Variants in COL12A1 observed in about 807,000 individuals in gnomAD.
The protein encoded by COL12A1 is collagen alpha-1(XII) chain.
Under a neutral mutation model 349.7 loss-of-function variants are expected in COL12A1, and 114 were observed. The observed-to-expected ratio is 0.33, with a 90% confidence interval of 0.28 to 0.38. The LOEUF (loss-of-function observed/expected upper bound fraction) is 0.38. Among genes scored for constraint, COL12A1 ranks in the 10% least tolerant of loss-of-function variants. The probability of loss-of-function intolerance (pLI) is 1.00; values close to 1 mark genes in which losing one functional copy is unlikely to be tolerated. For synonymous variants in COL12A1, 1,369 were observed against 1,329.0 expected (o/e 1.03, Z -0.66); for missense variants, 3,284 against 3,756.9 (o/e 0.87, Z 3.29).
At chr6:75,109,740 T>C (rs1768737137) in intron 51 of COL12A1, among the ~76,000 whole-genome samples, 1 of 152,098 alleles carries the variant, frequency 6.6e-6, no homozygotes, top group East Asian at 1.9e-4. Context: ...AAGAAGTTTA[T>C]ATTGATTTAT....
At chr6:75,137,626 C>A (rs768069143) in intron 30 of COL12A1, 47 bp from the exon 31 acceptor site, 8 of 1,606,240 alleles carry the variant, frequency 5.0e-6, no homozygotes, top group Non-Finnish European at 6.8e-6. Flanking sequence ...AGAACAATGC[C>A]TCCCCCTAAA....
intron 49 of COL12A1, among the ~76,000 whole-genome samples, chr6:75,114,382 G>A (rs1768977279): frequency 6.6e-6 from 1 of 151,950 alleles, no homozygotes; most frequent in Non-Finnish European, 1.5e-5. Flanking sequence ...TAAAAGGATG[G>A]GAATTGATTG....
Position 75,133,288 on chromosome 6 carries a change from C to A in COL12A1, c.5794+5G>T. 1 of 1,570,702 alleles carries A rather than the reference C, an allele frequency of 6.4e-7. No individual in the cohort carries two copies. The highest frequency in any genetic ancestry group is 8.6e-7 in the Non-Finnish European group (1 of 1,162,808). Reference sequence around the variant, plus strand: ...AAAAATTAATTTTTTGGCTTTATTACTTACATGTCCTTCCAGTATCTGATG... The same window carrying A: ...AAAAATTAATTTTTTGGCTTTATTAATTACATGTCCTTCCAGTATCTGATG... On this transcript the variant is annotated splice_donor_5th_base_variant and intron_variant, in intron 34 of 65. Coordinates refer to ENST00000322507, the MANE Select transcript of COL12A1 (RefSeq NM_004370.6).
chr6:75,119,694 C>G (rs998555644), intron 44 of COL12A1, among the ~76,000 whole-genome samples: 2 of 152,110 alleles, frequency 1.3e-5, no homozygotes, highest in Non-Finnish European at 2.9e-5. Flanking sequence ...TCATAATTGG[C>G]ATTAATAATG....
rs1246887485 is a variant in COL12A1, at chr6:75,146,230, C to A, written c.4432G>T (p.Val1478Phe). Reference protein sequence around the residue: ...GTEKTLPVPVVSLNIYDVGPT... With the variant: ...GTEKTLPVPVFSLNIYDVGPT... Reference sequence around the variant, plus strand: ...CCAACATCATAAATATTCAGGCTGACTACAGGCACTGGCACTTCCAAAACA... The same window carrying A: ...CCAACATCATAAATATTCAGGCTGAATACAGGCACTGGCACTTCCAAAACA... Residue 1478 changes from valine to phenylalanine, a missense_variant, in exon 24 of 66, where the codon GTC becomes TTC. By Grantham distance (50) the Val-to-Phe change is conservative (BLOSUM62 -1). Coordinates refer to ENST00000322507, the MANE Select transcript of COL12A1 (RefSeq NM_004370.6). 2 of 1,604,334 alleles carry A rather than the reference C, an allele frequency of 1.2e-6. No homozygotes were observed. Among genetic ancestry groups the A allele is most frequent in the Admixed American group, 1.7e-5 (1 of 57,708 alleles).
At chr6:75,120,040 T>A (rs566408065) in intron 44 of COL12A1, among the ~76,000 whole-genome samples, 58 of 152,324 alleles carry the variant, frequency 3.8e-4, no homozygotes, top group South Asian at 1.4e-3. Flanking sequence ...GGATTTTTTT[T>A]ATCAGTAAAA....
chr6:75,191,767 TA>T lies in COL12A1; in HGVS notation c.335-8del, dbSNP rs2149478420. Reference sequence around the variant, plus strand: ...GTCGAACTACCTGTTTGAACTAAGTTAAAACTTTATTATTACAAAAGGAAAT... The same window carrying T: ...GTCGAACTACCTGTTTGAACTAAGTTAAACTTTATTATTACAAAAGGAAAT... On this transcript the variant is annotated splice_polypyrimidine_tract_variant and splice_region_variant and intron_variant, in intron 4 of 65. Coordinates refer to ENST00000322507, the MANE Select transcript of COL12A1 (RefSeq NM_004370.6). 9.5e-6 allele frequency: 15 copies of T among 1,571,990 alleles called. No homozygotes were observed. Among genetic ancestry groups the T allele is most frequent in the Non-Finnish European group, 1.3e-5 (15 of 1,159,398 alleles).
intron 3 of COL12A1, 40 bp from the exon 4 acceptor site, chr6:75,192,395 A>C (rs1190130710): frequency 4.5e-6 from 7 of 1,544,376 alleles, no homozygotes; most frequent in Non-Finnish European, 6.2e-6. Flanking sequence ...GCAACAAAAC[A>C]TTTTTCACAT....
Position 75,183,951 on chromosome 6 carries a change from G to A in COL12A1, c.1191C>T (p.Asp397=). The change falls in exon 9 of 66, where the codon GAC becomes GAT. Residue 397 remains aspartate, a synonymous_variant. Coordinates refer to ENST00000322507, the MANE Select transcript of COL12A1 (RefSeq NM_004370.6). ...CGGAAACACTGATCTGGTATTCTGT[G>A]TCTGCTGAGAGGTCGCGAACACTGA... ...TTLSVRDLSA[D]TEYQISVSAM... 6.2e-7 allele frequency: 1 copy of A among 1,614,148 alleles called. No homozygotes were observed. The highest frequency in any genetic ancestry group is 8.5e-7 in the Non-Finnish European group (1 of 1,180,038).
intron 35 of COL12A1, 38 bp from the exon 36 acceptor site, chr6:75,131,019 A>G: frequency 6.2e-7 from 1 of 1,613,514 alleles, no homozygotes; most frequent in Non-Finnish European, 8.5e-7. Context: ...CCTGACAACA[A>G]CTCAAATGCT....
Position 75,121,298 on chromosome 6 carries a change from T to C in COL12A1, c.7086+4A>G, listed in dbSNP as rs1392023260. 2 of 1,590,952 alleles carry C rather than the reference T, an allele frequency of 1.3e-6. No homozygotes were observed. Among genetic ancestry groups the C allele is most frequent in the Middle Eastern group, 1.7e-4 (1 of 5,984 alleles). On this transcript the variant is annotated splice_donor_region_variant and intron_variant, in intron 44 of 65. Coordinates refer to ENST00000322507, the MANE Select transcript of COL12A1 (RefSeq NM_004370.6). ...TGAGTAGCCACTGGCGGAATGACAC[T>C]AACCTGAATCCCAGCAGGACTGATT...
rs1266406462 is a variant in COL12A1 at position 75,152,260 on chromosome 6, C to G, written c.3716-10G>C. 1 of 1,613,586 alleles carries G rather than the reference C, an allele frequency of 6.2e-7. No homozygotes were observed. Among genetic ancestry groups the G allele is most frequent in the Non-Finnish European group, 8.5e-7 (1 of 1,179,748 alleles). On this transcript the variant is annotated splice_polypyrimidine_tract_variant and intron_variant, in intron 18 of 65. Transcript: ENST00000322507. ...CTATACTGAGCAAGAGCTAAAATGA[C>G]ACCACTGGCATTAGTGCATGTGAAA... is the stretch of plus-strand genomic sequence containing the variant.
At chr6:75,182,095 C>CA (rs66532054) in intron 10 of COL12A1, among the ~76,000 whole-genome samples, 71 of 103,028 alleles carry the variant, frequency 6.9e-4, no homozygotes, top group African/African-American at 1.4e-3. Flanking sequence ...GACCCTGTCT[C>CA]AAAAAAAAAA....
At chr6:75,154,565 T>C (rs1767659735) in intron 16 of COL12A1, 28 bp from the exon 17 acceptor site, 2 of 1,571,408 alleles carry the variant, frequency 1.3e-6, no homozygotes, top group East Asian at 2.3e-5. Context: ...ATATATAGCC[T>C]GTGAGAACCA....
At chr6:75,157,881 T>A (rs2149426741) in intron 14 of COL12A1, among the ~76,000 whole-genome samples, 1 of 152,160 alleles carries the variant, frequency 6.6e-6, no homozygotes, top group Admixed American at 6.6e-5. Context: ...CTCACAACTG[T>A]AGGGAGATCA....
In COL12A1 at chr6:75,183,643, C is replaced by T. The variant is rs775010013; in HGVS notation, c.1298G>A (p.Arg433His). The part of the protein sequence containing the change: ...QPMKVQVECS[R>H]GVDIKADIVF... Reference sequence around the variant, plus strand: ...AATATCGGCTTTTATATCCACACCACGTGAGCATTCTGTAAAGAGAAAAAA... The same window carrying T: ...AATATCGGCTTTTATATCCACACCATGTGAGCATTCTGTAAAGAGAAAAAA... The change falls in exon 10 of 66, where the codon CGT becomes CAT. Residue 433 changes from arginine to histidine, a missense_variant. This residue lies in a region of COL12A1 where 2,601 missense variants were observed against 2,824.8 expected (regional missense o/e 0.92). Transcript: ENST00000322507. 13 of 1,600,704 alleles carry T rather than the reference C, an allele frequency of 8.1e-6. No homozygotes were observed. The highest frequency in any genetic ancestry group is 5.4e-5 in the African/African-American group (4 of 73,764).
intron 22 of COL12A1, 105 bp downstream of exon 22, chr6:75,148,253 C>T (rs1767301000): frequency 8.7e-7 from 1 of 1,146,690 alleles, no homozygotes; most frequent in East Asian, 2.5e-5. Context: ...TTTCTGGCCC[C>T]TCTTCATCCC....
chr6:75,161,851 AT>A (rs1473151984), intron 14 of COL12A1, among the ~76,000 whole-genome samples: 1 of 152,216 alleles, frequency 6.6e-6, no homozygotes, highest in Non-Finnish European at 1.5e-5. Context: ...AAGCATTCTT[AT>A]ACACCAATAA....
Position 75,177,854 on chromosome 6 carries a change from C to A in COL12A1, c.2246G>T (p.Arg749Ile). The stretch of plus-strand genomic sequence containing the variant: ...ATATATAATTCGATATCTTAAAACT[C>A]TCCCTGGAGCTTGAGTCCAAGTAAT... ...FKITWTQAPGRVLRYRIIYRP... is the reference protein window; with the variant it reads ...FKITWTQAPGIVLRYRIIYRP... Residue 749 changes from arginine to isoleucine, a missense_variant, in exon 12 of 66, where the codon AGA (arginine) becomes ATA (isoleucine). Arg to Ile is a moderately conservative substitution (Grantham distance 97). Transcript: ENST00000322507. 6.2e-7 allele frequency: 1 copy of A among 1,614,044 alleles called. No individual in the cohort carries two copies. Among genetic ancestry groups the A allele is most frequent in the Non-Finnish European group, 8.5e-7 (1 of 1,180,030 alleles).
Sources: gnomAD v4.1 joint callset for allele counts (sites outside exome capture counted in the v4.1 genomes callset) on GRCh38, gnomAD v4.1.1 for gene constraint, gnomAD v4.1.1 regional missense constraint, MANE v1.5 for transcripts, NCBI Gene and HGNC (gene_info 2026-07-23, HGNC 2026-07-21) for gene names.